The following BAZ1A variants were observed in gnomAD, a reference collection of about 807,000 sequenced individuals.
BAZ1A encodes bromodomain adjacent to zinc finger domain 1A.
BAZ1A carries 50 observed loss-of-function variants against 185.2 expected under a neutral mutation model. The observed-to-expected ratio is 0.27, with a 90% CI of 0.22 to 0.34. The LOEUF is 0.34. Ranked by LOEUF, BAZ1A falls within the 10% of genes least tolerant of loss-of-function variation. BAZ1A has a pLI of 1.00. For synonymous variants in BAZ1A, 571 were observed against 615.6 expected (o/e 0.93, Z 1.07); for missense variants, 1,356 against 1,839.9 (o/e 0.74, Z 4.81).
At position 34,862,031 on chromosome 14, in the gene BAZ1A, A is replaced by G. The variant is rs758694057; in HGVS notation, c.392+13T>C. 1.2e-6 allele frequency: 2 copies of G among 1,606,694 alleles called. No individual in the cohort carries two copies. ...TATAAACTTACCAAGAGGAAAAATT[A>G]AAAGTACTTTACCTTGCACCATTGT... On this transcript the variant is annotated intron_variant, in intron 3 of 26. Transcript: ENST00000360310.
intron 9 of BAZ1A, among the ~76,000 whole-genome samples, chr14:34,798,121 G>A (rs963529855): frequency 1.3e-5 from 2 of 152,214 alleles, no homozygotes; most frequent in Non-Finnish European, 2.9e-5. Flanking sequence ...GCAGGGGGAG[G>A]GGGCGTCCGC....
chr14:34,857,070 A>G (rs976921922), intron 3 of BAZ1A, among the ~76,000 whole-genome samples: 5 of 145,802 alleles, frequency 3.4e-5, no homozygotes, highest in African/African-American at 1.3e-4. Context: ...GCAGTGGCGC[A>G]ATCTCGGCTC....
At chr14:34,859,657 C>A (rs1333142033) in intron 3 of BAZ1A, among the ~76,000 whole-genome samples, 1 of 152,102 alleles carries the variant, frequency 6.6e-6, no homozygotes, top group Admixed American at 6.6e-5. Context: ...TCCTATAATT[C>A]ATCATCCCCA....
At chr14:34,754,320 G>A (rs1179954756) in intron 26 of BAZ1A, among the ~76,000 whole-genome samples, 9 of 150,236 alleles carry the variant, frequency 6.0e-5, no homozygotes, top group Admixed American at 6.0e-4. Context: ...TTGGGAGGCT[G>A]AGGTGGGAGG....
chr14:34,829,985 C>A (rs1321312329), intron 3 of BAZ1A, among the ~76,000 whole-genome samples: 2 of 152,080 alleles, frequency 1.3e-5, no homozygotes, highest in Admixed American at 1.3e-4. Flanking sequence ...CAAAAAAATC[C>A]ATTTCTTCTC....
chr14:34,873,244 T>G (rs1157156455), intron 2 of BAZ1A, among the ~76,000 whole-genome samples: 2 of 152,124 alleles, frequency 1.3e-5, no homozygotes, highest in Non-Finnish European at 2.9e-5. Context: ...TCAGAAAAGG[T>G]GCCTCCTTAC....
intron 3 of BAZ1A, among the ~76,000 whole-genome samples, chr14:34,846,871 C>T (rs938519602): frequency 2.0e-5 from 3 of 152,092 alleles, no homozygotes; most frequent in African/African-American, 7.2e-5. Context: ...GCACATCCTG[C>T]ACACGTACCT....
At chr14:34,862,008 T>C in intron 3 of BAZ1A, 36 bp downstream of exon 3, 11 of 1,597,316 alleles carry the variant, frequency 6.9e-6, no homozygotes, top group Non-Finnish European at 9.4e-6. Context: ...AATGTGAATA[T>C]AAACTTACCA....
chr14:34,790,363 T>C lies in BAZ1A; in HGVS notation c.1510+2412A>G, dbSNP rs567985235. On this transcript the variant is annotated intron_variant, in intron 12 of 26. Transcript: ENST00000360310. ...TTTGATTTATTTATTTGTTTATTTA[T>C]TTATTTGAGACACAGAGTCTCTCTC... Among the ~76,000 whole-genome samples the C allele has an allele frequency of 5.9e-5, 9 of 152,166 alleles. No homozygotes were observed. The South Asian group carries it at 1.9e-3, about 32-fold the overall frequency.
chr14:34,844,205 C>CAAAAAA (rs71121227), intron 3 of BAZ1A, among the ~76,000 whole-genome samples: 1 of 109,830 alleles, frequency 9.1e-6, no homozygotes, highest in African/African-American at 3.7e-5. Flanking sequence ...GACTCCGTCT[C>CAAAAAA]AAAAAAAAAA....
chr14:34,862,847 G>A (rs1441847534), intron 2 of BAZ1A, among the ~76,000 whole-genome samples: 1 of 151,704 alleles, frequency 6.6e-6, no homozygotes, highest in African/African-American at 2.4e-5. Context: ...AGAAGCATAG[G>A]TTTCTGGAAT....
chr14:34,842,123 G>C (rs2042424131), intron 3 of BAZ1A, among the ~76,000 whole-genome samples: 1 of 151,924 alleles, frequency 6.6e-6, no homozygotes, highest in African/African-American at 2.4e-5. Context: ...ACAGCAGCCA[G>C]CACACAATAC....
intron 25 of BAZ1A, among the ~76,000 whole-genome samples, chr14:34,755,150 C>T (rs1566540187): frequency 6.6e-6 from 1 of 151,312 alleles, no homozygotes; most frequent in Admixed American, 6.6e-5. Flanking sequence ...TCAGTTGTGA[C>T]CAGAAGAAAA....
chr14:34,809,486 T>A (rs899279893), intron 5 of BAZ1A, among the ~76,000 whole-genome samples: 1 of 152,200 alleles, frequency 6.6e-6, no homozygotes, highest in Non-Finnish European at 1.5e-5. Flanking sequence ...ATTTCCATTA[T>A]AAAAGAAAGT....
At position 34,764,903 on chromosome 14, in the gene BAZ1A, C is replaced by T; in HGVS notation, c.3580G>A (p.Glu1194Lys). The T allele has an allele frequency of 6.2e-7, 1 of 1,614,126 alleles. No homozygotes were observed. The highest frequency in any genetic ancestry group is 8.5e-7 in the Non-Finnish European group (1 of 1,180,020). Residue 1194 changes from glutamate (E) to lysine (K), a missense_variant, in exon 23 of 27, where the codon GAA becomes AAA. Physicochemically the swap from Glu to Lys is moderately conservative, Grantham distance 56. Coordinates refer to ENST00000360310, the MANE Select transcript of BAZ1A (RefSeq NM_013448.3). ...CTAGAACGTTGCTTTGGTCGACATT[C>T]TGGACAAAACCAGTCTCCTTCAGGC... The part of the protein sequence containing the change: ...TVPEGDWFCP[E>K]CRPKQRSRRL...
At position 34,832,764 on chromosome 14, in the gene BAZ1A, C is replaced by T. The variant is rs568088115; in HGVS notation, c.393-6608G>A. On this transcript the variant is annotated intron_variant, in intron 3 of 26. Transcript: ENST00000360310. ...GCTACAGAGAACAGTTTGGCAATTCCTCAAAAAATTAAACATACAATTATC... is the reference window on the plus strand; with the variant it reads ...GCTACAGAGAACAGTTTGGCAATTCTTCAAAAAATTAAACATACAATTATC... Among the ~76,000 whole-genome samples, 3 of 152,178 alleles carry T rather than the reference C, an allele frequency of 2.0e-5. No homozygotes were observed. The East Asian group carries it at 5.8e-4, about 29-fold the overall frequency.
intron 3 of BAZ1A, among the ~76,000 whole-genome samples, chr14:34,851,379 C>CA (rs1338117539): frequency 6.8e-6 from 1 of 147,400 alleles, no homozygotes; most frequent in African/African-American, 2.5e-5. Context: ...ATGGGTTGCC[C>CA]AAAGCCCACT....
chr14:34,851,199 T>C (rs2042591009), intron 3 of BAZ1A, among the ~76,000 whole-genome samples: 2 of 151,624 alleles, frequency 1.3e-5, no homozygotes, highest in African/African-American at 4.8e-5. Context: ...CAGGCATGGT[T>C]GCAGGCGCCT....
intron 3 of BAZ1A, among the ~76,000 whole-genome samples, chr14:34,858,174 T>C (rs2042711300): frequency 6.6e-6 from 1 of 152,134 alleles, no homozygotes; most frequent in South Asian, 2.1e-4. Flanking sequence ...GGAAGAGAAA[T>C]ATAAAATGTT....
Sources: gnomAD v4.1 joint callset for allele counts (sites outside exome capture counted in the v4.1 genomes callset) on GRCh38, gnomAD v4.1.1 for gene constraint, MANE v1.5 for transcripts, NCBI Gene and HGNC (gene_info 2026-07-23, HGNC 2026-07-21) for gene names.